The following STK11 variants were observed in gnomAD, a reference collection of about 807,000 sequenced individuals.
The protein encoded by STK11 is serine/threonine-protein kinase STK11.
STK11 carries 8 observed loss-of-function variants against 47.3 expected under a neutral mutation model. The observed-to-expected ratio is 0.17, with a 90% CI of 0.10 to 0.31. The LOEUF (loss-of-function observed/expected upper bound fraction) is 0.31. STK11 is among the 10% of genes least tolerant of loss of function. The pLI is 1.00. For missense variants in STK11, 475 were observed against 605.0 expected (o/e 0.79, Z 2.25); for synonymous variants, 330 against 255.8 (o/e 1.29, Z -2.77).
intron 1 of STK11, among the ~76,000 whole-genome samples, chr19:1,216,875 T>C (rs2080748409): frequency 6.6e-6 from 1 of 151,956 alleles, no homozygotes. Flanking sequence ...GTGTGTCCTT[T>C]AGTGTCTCAC....
Position 1,208,369 on chromosome 19 carries a change from G to A in STK11, c.290+1166G>A, listed in dbSNP as rs143918180. On this transcript the variant is annotated intron_variant, in intron 1 of 9. Coordinates refer to ENST00000326873, the MANE Select transcript of STK11 (RefSeq NM_000455.5). Reference sequence around the variant, plus strand: ...GTTCCCCAGGCTGGAGTGCAGTGGCGCGAACTGGGCTCACTGCAAGCTCCG... The same window carrying A: ...GTTCCCCAGGCTGGAGTGCAGTGGCACGAACTGGGCTCACTGCAAGCTCCG... Among the ~76,000 whole-genome samples, 1,372 of 149,702 alleles carry A rather than the reference G, an allele frequency of 9.2e-3. 24 individuals are homozygous for A. Among genetic ancestry groups the A allele is most frequent in the African/African-American group, 0.029 (1,192 of 40,598 alleles).
intron 3 of STK11, 130 bp downstream of exon 3, chr19:1,219,543 TG>T (rs1365185008): frequency 6.3e-6 from 6 of 959,476 alleles, no homozygotes; most frequent in Non-Finnish European, 6.0e-6. Flanking sequence ...TTTGTTTTTT[TG>T]TTTTTTTGTG....
chr19:1,219,444 GCGGGGGC>G (rs58579265), intron 3 of STK11, 31 bp downstream of exon 3: 2 of 1,304,798 alleles, frequency 1.5e-6, no homozygotes, highest in East Asian at 2.6e-5. Flanking sequence ...CCAGGGTGGG[GCGGGGGC>G]CGGGGGCCAG....
rs983556879 is a variant in STK11, at chr19:1,228,165, G to A, written c.*589G>A. On this transcript the variant is annotated 3_prime_UTR_variant, in exon 10 of 10. Coordinates refer to ENST00000326873, the MANE Select transcript of STK11 (RefSeq NM_000455.5). ...GGCTGTGGGGTCGGGCTCACGTCGC[G>A]GCCGCCTTTGCGCTCTCGGGTCACC... 4.7e-6 allele frequency: 5 copies of A among 1,060,182 alleles called. No individual in the cohort carries two copies. Among genetic ancestry groups the A allele is most frequent in the African/African-American group, 1.6e-5 (1 of 60,918 alleles). 65.7% of individuals were successfully genotyped at this position (1,060,182 alleles called of 1,614,324 possible). A position where few individuals can be genotyped will look rare whatever the true frequency, so the allele number is the denominator to read the frequency against.
intron 1 of STK11, among the ~76,000 whole-genome samples, chr19:1,211,993 C>T (rs942483665): frequency 6.6e-6 from 1 of 152,160 alleles, no homozygotes; most frequent in African/African-American, 2.4e-5. Context: ...TGTTTGTGCC[C>T]CTCTCTGGGC....
In STK11 at chr19:1,206,791, T is replaced by C. The variant is rs985138816; in HGVS notation, c.-123T>C. The C allele has an allele frequency of 1.0e-4, 131 of 1,282,124 alleles. No homozygotes were observed. Among genetic ancestry groups the C allele is most frequent in the Non-Finnish European group, 1.3e-4 (122 of 956,908 alleles). 79.4% of individuals were successfully genotyped at this position (1,282,124 alleles called of 1,614,324 possible). On this transcript the variant is annotated 5_prime_UTR_variant, in exon 1 of 10. Transcript: ENST00000326873. ...GTTTTTCCCTTCCTTTTGGGGTTTT[T>C]GTTGCCTTTTTTTTTTCTTTTTTCT...
At chr19:1,222,858 C>A in intron 7 of STK11, 127 bp from the exon 8 acceptor site, 1 of 1,119,820 alleles carries the variant, frequency 8.9e-7, no homozygotes, top group Non-Finnish European at 1.2e-6. Context: ...TCACAGCCAC[C>A]CCTTGCACGG....
At chr19:1,214,624 G>T (rs771350345) in intron 1 of STK11, among the ~76,000 whole-genome samples, 1 of 152,184 alleles carries the variant, frequency 6.6e-6, no homozygotes, top group Non-Finnish European at 1.5e-5. Context: ...GGGCCGTGCA[G>T]CCTCCCGAGC....
chr19:1,218,647 C>T (rs748620212), intron 2 of STK11, 147 bp downstream of exon 2: 10 of 750,984 alleles, frequency 1.3e-5, no homozygotes, highest in Non-Finnish European at 2.3e-5. Flanking sequence ...CCCCGGAAGT[C>T]AGCCATTGTG....
intron 1 of STK11, among the ~76,000 whole-genome samples, chr19:1,210,745 C>A (rs2080704162): frequency 6.6e-6 from 1 of 151,984 alleles, no homozygotes; most frequent in African/African-American, 2.4e-5. Context: ...GCCTGTAATC[C>A]CAGCTACTCT....
rs749339056 is a variant in STK11 at position 1,207,253 on chromosome 19, T to C, written c.290+50T>C. 2.7e-5 allele frequency: 42 copies of C among 1,545,786 alleles called. No homozygotes were observed. The Admixed American group carries it at 6.5e-4, about 24-fold the overall frequency. ...GGCCGGGCCGGGCCAGTCACGGTGC[T>C]GATGGTTCTGTCTTCCTTCCTTCTC... On this transcript the variant is annotated intron_variant, in intron 1 of 9. Coordinates refer to ENST00000326873, the MANE Select transcript of STK11 (RefSeq NM_000455.5).
intron 9 of STK11, 136 bp from the exon 10 acceptor site, chr19:1,227,457 C>A: frequency 2.1e-6 from 2 of 968,202 alleles, no homozygotes; most frequent in Non-Finnish European, 2.5e-6. Flanking sequence ...GTGGCCTTCC[C>A]TGGCCTCCCC....
rs767482086 is a variant in STK11, at chr19:1,220,526, G to T, written c.597+21G>T. On this transcript the variant is annotated intron_variant, in intron 4 of 9. Coordinates refer to ENST00000326873, the MANE Select transcript of STK11 (RefSeq NM_000455.5). ...CCGAGGTAGGCACGTGCTAGGGGGGGCCCTGGGGCGCCCCCTCCCGGGCAC... is the reference window on the plus strand; with the variant it reads ...CCGAGGTAGGCACGTGCTAGGGGGGTCCCTGGGGCGCCCCCTCCCGGGCAC... 1 of 1,587,420 alleles carries T rather than the reference G, an allele frequency of 6.3e-7. No homozygotes were observed. Among genetic ancestry groups the T allele is most frequent in the Non-Finnish European group, 8.6e-7 (1 of 1,166,152 alleles).
intron 1 of STK11, among the ~76,000 whole-genome samples, chr19:1,215,769 C>G (rs1256138866): frequency 1.3e-5 from 2 of 152,196 alleles, no homozygotes; most frequent in South Asian, 4.2e-4. Flanking sequence ...TGGAGTCTTG[C>G]TCTGTCACCC....
At position 1,206,717 on chromosome 19, in the gene STK11, C is replaced by G. The variant is rs1262729036; in HGVS notation, c.-197C>G. 1.3e-6 allele frequency: 1 copy of G among 769,202 alleles called. No individual in the cohort carries two copies. Among genetic ancestry groups the G allele is most frequent in the Non-Finnish European group, 2.0e-6 (1 of 502,502 alleles). 47.6% of individuals were successfully genotyped at this position (769,202 alleles called of 1,614,324 possible). The stretch of plus-strand genomic sequence containing the variant: ...CCGCAGACCCTGCACCGGGCTTGGA[C>G]TCGCAGCCGGGACTGACGTGTAGAA... On this transcript the variant is annotated 5_prime_UTR_variant, in exon 1 of 10. Coordinates refer to ENST00000326873, the MANE Select transcript of STK11 (RefSeq NM_000455.5).
chr19:1,206,257 C>CG lies in STK11; in HGVS notation c.-654dup, dbSNP rs957176721. 4.8e-6 allele frequency: 1 copy of CG among 206,560 alleles called. No individual in the cohort carries two copies. The highest frequency in any genetic ancestry group is 2.3e-5 in the African/African-American group (1 of 43,702). 12.8% of individuals were successfully genotyped at this position (206,560 alleles called of 1,614,324 possible). A position where few individuals can be genotyped will look rare whatever the true frequency, so the allele number is the denominator to read the frequency against. ...CCCTGAGCGGAGCTGTTGGCCGCGG[C>CG]GGGAGGCCTCCCGGACGCCCCCAGC... On this transcript the variant is annotated 5_prime_UTR_variant, in exon 1 of 10. It introduces an in-frame stop codon into an upstream open reading frame of the 5' UTR. Transcript: ENST00000326873.
At chr19:1,212,232 C>T (rs913640341) in intron 1 of STK11, among the ~76,000 whole-genome samples, 1 of 149,832 alleles carries the variant, frequency 6.7e-6, no homozygotes, top group Non-Finnish European at 1.5e-5. Flanking sequence ...ATCCCACAAA[C>T]GCCACCGTAT....
chr19:1,208,993 T>C (rs1239169910), intron 1 of STK11, among the ~76,000 whole-genome samples: 1 of 152,152 alleles, frequency 6.6e-6, no homozygotes, highest in African/African-American at 2.4e-5. Context: ...GTTTGTACTC[T>C]GGAGCTGGAG....
At chr19:1,225,955 C>A in intron 8 of STK11, 2 of 991,700 alleles carry the variant, frequency 2.0e-6, no homozygotes, top group South Asian at 9.0e-5. Context: ...CAGCTGGGGG[C>A]CCTGGCAGGC....
Sources: allele counts gnomAD v4.1 joint callset (sites outside exome capture counted in the v4.1 genomes callset), GRCh38; gene constraint gnomAD v4.1.1; transcripts MANE v1.5; gene names NCBI Gene and HGNC (gene_info 2026-07-23, HGNC 2026-07-21).